Variants in AKAP13 observed in about 807,000 individuals in gnomAD.
The protein encoded by AKAP13 is A-kinase anchor protein 13.
In AKAP13, 80 loss-of-function variants were observed where a neutral mutation model predicts 264.5. The ratio of observed to expected loss-of-function variants is 0.30; its 90% CI spans 0.25 to 0.36. The LOEUF is 0.36. Ranked by LOEUF, AKAP13 falls within the 10% of genes least tolerant of loss-of-function variation. The pLI is 1.00. For synonymous variants in AKAP13, 1,380 were observed against 1,250.2 expected, an observed-to-expected ratio of 1.10 and a Z score of -2.19; for missense variants, 3,712 against 3,435.2, an observed-to-expected ratio of 1.08 and a Z score of -2.01.
intron 8 of AKAP13, among the ~76,000 whole-genome samples, chr15:85,626,166 C>A (rs1053215062): frequency 6.6e-6 from 1 of 152,214 alleles, no homozygotes; most frequent in Non-Finnish European, 1.5e-5. Context: ...GGCTCTGACT[C>A]TAACTGTGTG....
intron 2 of AKAP13, among the ~76,000 whole-genome samples, chr15:85,510,581 A>G (rs770800113): frequency 2.6e-5 from 4 of 152,194 alleles, no homozygotes; most frequent in East Asian, 1.9e-4. Flanking sequence ...GCAGTTCTAT[A>G]TGTATATTTG....
At chr15:85,488,809 G>C (rs1238177709) in intron 2 of AKAP13, among the ~76,000 whole-genome samples, 1 of 152,200 alleles carries the variant, frequency 6.6e-6, no homozygotes. Context: ...CTGGCACCTT[G>C]ATTTTTAAAC....
intron 8 of AKAP13, among the ~76,000 whole-genome samples, chr15:85,589,937 C>G (rs562694081): frequency 6.7e-6 from 1 of 150,290 alleles, no homozygotes; most frequent in East Asian, 1.9e-4. Flanking sequence ...TCCTGAATAG[C>G]TTTTTGACAG....
intron 33 of AKAP13, among the ~76,000 whole-genome samples, chr15:85,739,646 T>G (rs1333665595): frequency 6.6e-6 from 1 of 152,186 alleles, no homozygotes; most frequent in Non-Finnish European, 1.5e-5. Flanking sequence ...GTTTCAAGAT[T>G]AGAAAACAGT....
intron 1 of AKAP13, among the ~76,000 whole-genome samples, chr15:85,453,172 C>T (rs957456106): frequency 2.0e-5 from 3 of 152,082 alleles, no homozygotes; most frequent in South Asian, 2.1e-4. Flanking sequence ...TTCATCAGAC[C>T]GAGGGTGGCA....
intron 4 of AKAP13, among the ~76,000 whole-genome samples, chr15:85,541,101 T>C (rs2077568498): frequency 6.6e-6 from 1 of 152,228 alleles, no homozygotes; most frequent in Non-Finnish European, 1.5e-5. Flanking sequence ...TATATGTTGG[T>C]ACAGATTTGG....
intron 23 of AKAP13, among the ~76,000 whole-genome samples, chr15:85,720,381 C>CT (rs2151724934): frequency 6.6e-6 from 1 of 152,032 alleles, no homozygotes; most frequent in South Asian, 2.1e-4. Flanking sequence ...GAATAAGTGA[C>CT]TATCTGTAAA....
rs949607578 is a variant in AKAP13 at position 85,519,097 on chromosome 15, T to A, written c.34-2331T>A. Among the ~76,000 whole-genome samples, 3 of 149,330 alleles carry A rather than the reference T, an allele frequency of 2.0e-5. No homozygotes were observed. In the South Asian group the frequency reaches 6.3e-4, roughly 32 times the overall value. ...TACCAGGTTAGAAATCAAAGTGAAT[T>A]TTTTTTTTTTCCTGTAAAAGTCCAG... On this transcript the variant is annotated intron_variant, in intron 2 of 36. Transcript: ENST00000394518.
chr15:85,508,617 A>G (rs772509968), intron 2 of AKAP13, among the ~76,000 whole-genome samples: 1 of 152,058 alleles, frequency 6.6e-6, no homozygotes, highest in Non-Finnish European at 1.5e-5. Context: ...TGTTCTCCGC[A>G]GAGGAACCAC....
rs748278485 is a variant in AKAP13, at chr15:85,737,211, C to T, written c.7557+1077C>T. ...CTGGGATTACAGGCATGAGCCACCGCGCCCAGCCATATCTTCTTCTTTGAG... is the reference window on the plus strand; with the variant it reads ...CTGGGATTACAGGCATGAGCCACCGTGCCCAGCCATATCTTCTTCTTTGAG... On this transcript the variant is annotated intron_variant, in intron 33 of 36. Transcript: ENST00000394518. Among the ~76,000 whole-genome samples, 83 of 152,128 alleles carry T rather than the reference C, an allele frequency of 5.5e-4. 1 individual carries two copies. The highest frequency in any genetic ancestry group is 5.3e-4 in the Non-Finnish European group (36 of 67,962).
chr15:85,436,817 A>G (rs918057310), intron 1 of AKAP13, among the ~76,000 whole-genome samples: 15 of 152,126 alleles, frequency 9.9e-5, no homozygotes, highest in Non-Finnish European at 1.9e-4. Flanking sequence ...CATTCAAAGC[A>G]GTGTGTAGAG....
intron 1 of AKAP13, among the ~76,000 whole-genome samples, chr15:85,462,563 A>G (rs937417484): frequency 7.2e-5 from 11 of 152,190 alleles, no homozygotes; most frequent in African/African-American, 2.7e-4. Flanking sequence ...CAAGAGACCA[A>G]CTAATTAATG....
intron 1 of AKAP13, among the ~76,000 whole-genome samples, chr15:85,407,944 G>A (rs1279722468): frequency 1.3e-5 from 2 of 151,612 alleles, no homozygotes; most frequent in Non-Finnish European, 2.9e-5. Context: ...AATGCAGTGA[G>A]GTTGGAAGGG....
intron 8 of AKAP13, among the ~76,000 whole-genome samples, chr15:85,615,914 G>A (rs1431212927): frequency 6.6e-6 from 1 of 152,130 alleles, no homozygotes; most frequent in Admixed American, 6.5e-5. Flanking sequence ...GGTCCAGAGG[G>A]TCAAACTAGT....
chr15:85,650,772 AAAAAAAAAAAAAAAAAAACAAC>A (rs2082779956), intron 10 of AKAP13, among the ~76,000 whole-genome samples: 1 of 142,346 alleles, frequency 7.0e-6, no homozygotes, highest in Non-Finnish European at 1.5e-5. Flanking sequence ...AAAAAAAAAA[AAAAAAAAAAAAAAAAAAACAAC>A]AAAAACTGCA....
intron 8 of AKAP13, among the ~76,000 whole-genome samples, chr15:85,593,352 C>T (rs985017630): frequency 1.3e-5 from 2 of 151,794 alleles, no homozygotes; most frequent in Non-Finnish European, 2.9e-5. Flanking sequence ...AAACCAAAAA[C>T]AAAACTGAGG....
At chr15:85,462,689 A>C (rs1032024746) in intron 1 of AKAP13, among the ~76,000 whole-genome samples, 1 of 152,224 alleles carries the variant, frequency 6.6e-6, no homozygotes, top group African/African-American at 2.4e-5. Context: ...CAAAGCTATG[A>C]AATCTGGCAG....
chr15:85,640,474 A>G (rs2082259505), intron 9 of AKAP13, among the ~76,000 whole-genome samples: 1 of 152,202 alleles, frequency 6.6e-6, no homozygotes, highest in Non-Finnish European at 1.5e-5. Flanking sequence ...TTTCCTACTG[A>G]TTGTCAACTC....
chr15:85,444,924 G>GT (rs1484311715), intron 1 of AKAP13, among the ~76,000 whole-genome samples: 1 of 152,126 alleles, frequency 6.6e-6, no homozygotes, highest in African/African-American at 2.4e-5. Context: ...TTTGAAATCT[G>GT]TTTTTTAGCT....
Sources: allele counts gnomAD v4.1 joint callset (sites outside exome capture counted in the v4.1 genomes callset), GRCh38; gene constraint gnomAD v4.1.1; transcripts MANE v1.5; gene names NCBI Gene and HGNC (gene_info 2026-07-23, HGNC 2026-07-21).